Variants in CLIC5 observed in about 807,000 individuals in gnomAD.
CLIC5 encodes the protein CLIC family member 5, also known as chloride intracellular channel protein 5.
CLIC5 carries 20 observed loss-of-function variants against 24.7 expected under a neutral mutation model. The observed-to-expected ratio is 0.81, with a 90% confidence interval of 0.57 to 1.18. The LOEUF is 1.18. Among genes scored for constraint, CLIC5 ranks in the 50% most tolerant of loss-of-function variants. The pLI, the probability that CLIC5 is intolerant of heterozygous loss-of-function variation, is 0.00. For missense variants in CLIC5, 341 were observed against 326.1 expected, an observed-to-expected ratio of 1.05 and a Z score of -0.35; for synonymous variants, 159 against 135.6, an observed-to-expected ratio of 1.17 and a Z score of -1.20.
intron 1 of CLIC5, among the ~76,000 whole-genome samples, chr6:46,022,713 C>A (rs1237648839): frequency 6.6e-6 from 1 of 152,206 alleles, no homozygotes; most frequent in Non-Finnish European, 1.5e-5. Flanking sequence ...GGACTGAAGT[C>A]AAGAGTCCTT....
intron 5 of CLIC5, among the ~76,000 whole-genome samples, chr6:45,910,773 C>T (rs1050111320): frequency 6.6e-6 from 1 of 152,170 alleles, no homozygotes; most frequent in Admixed American, 6.5e-5. Flanking sequence ...CAGATCACAT[C>T]TCTTCTTTGC....
intron 6 of CLIC5, among the ~76,000 whole-genome samples, chr6:45,888,449 A>C (rs1271548554): frequency 6.6e-6 from 1 of 152,254 alleles, no homozygotes; most frequent in Non-Finnish European, 1.5e-5. Context: ...GAAAAAATTC[A>C]TGAAAATTTA....
the CLIC5 span, among the ~76,000 whole-genome samples, chr6:46,111,343 C>A: frequency 6.6e-6 from 1 of 152,170 alleles, no homozygotes; most frequent in East Asian, 1.9e-4. Flanking sequence ...TGTCAGATAG[C>A]CCCTGCCATC....
rs78960678 is a variant in CLIC5 at position 45,916,366 on chromosome 6, G to T, written c.407-1957C>A. 1.3e-5 allele frequency among the ~76,000 whole-genome samples: 2 copies of T among 152,160 alleles called. 1 individual carries two copies. The highest frequency in any genetic ancestry group is 2.9e-5 in the Non-Finnish European group (2 of 68,038). On this transcript the variant is annotated intron_variant, in intron 4 of 5. Transcript: ENST00000339561. ...GGCTATTCAAAGGCAATGGCAGAGG[G>T]TGGGTACTAAACAATGCTTATTATG...
chr6:45,984,216 A>G (rs923105253), intron 1 of CLIC5, among the ~76,000 whole-genome samples: 1 of 152,254 alleles, frequency 6.6e-6, no homozygotes, highest in East Asian at 1.9e-4. Flanking sequence ...TAGAGGAGCC[A>G]TCAGTGCATT....
intron 1 of CLIC5, among the ~76,000 whole-genome samples, chr6:45,980,552 C>T (rs891003496): frequency 6.6e-6 from 1 of 151,520 alleles, no homozygotes; most frequent in Non-Finnish European, 1.5e-5. Flanking sequence ...ACATGTACCC[C>T]CAAAACAAAA....
At chr6:46,068,721 T>C (rs925564670) in intron 1 of CLIC5, among the ~76,000 whole-genome samples, 8 of 151,974 alleles carry the variant, frequency 5.3e-5, no homozygotes, top group African/African-American at 1.9e-4. Context: ...CTGGTGTTCT[T>C]ATAAGAAGAG....
chr6:45,956,662 G>A (rs1001815285), intron 1 of CLIC5, among the ~76,000 whole-genome samples: 4 of 152,138 alleles, frequency 2.6e-5, no homozygotes, highest in African/African-American at 9.7e-5. Flanking sequence ...AGGGGCTCAG[G>A]TTTATAATGG....
intron 1 of CLIC5, among the ~76,000 whole-genome samples, chr6:46,001,593 G>A (rs996385529): frequency 6.6e-6 from 1 of 152,152 alleles, no homozygotes; most frequent in Admixed American, 6.5e-5. Context: ...GTCCCAGCTG[G>A]CTTCCCCCAC....
At chr6:46,064,911 A>G (rs9367232) in intron 1 of CLIC5, among the ~76,000 whole-genome samples, 58,942 of 152,002 alleles carry the variant, frequency 0.39, 11,633 homozygotes, top group East Asian at 0.62. Context: ...AACACAAACC[A>G]TAGCATTAAA....
chr6:45,961,902 G>A (rs955685308), intron 1 of CLIC5, among the ~76,000 whole-genome samples: 4 of 152,110 alleles, frequency 2.6e-5, no homozygotes, highest in African/African-American at 9.7e-5. Context: ...TTTATCTAAA[G>A]TTTAATGTAT....
Position 45,979,665 on chromosome 6 carries a change from AC to A in CLIC5, c.64-24422del, listed in dbSNP as rs555286563. Among the ~76,000 whole-genome samples, 29 of 105,430 alleles carry A rather than the reference AC, an allele frequency of 2.8e-4. 1 individual carries two copies. In the South Asian group the frequency reaches 9.7e-3, roughly 35 times the overall value. The allele number at this position is 105,430 out of a possible 152,430, so 69.2% of individuals were successfully genotyped here. A position where few individuals can be genotyped will look rare whatever the true frequency, so the allele number is the denominator to read the frequency against. On this transcript the variant is annotated intron_variant, in intron 1 of 5. Coordinates refer to ENST00000339561, the MANE Select transcript of CLIC5 (RefSeq NM_016929.5). ...TTTACAGTTACTAGATGAAATAATC[AC>A]CCAAAATTTCTACTGCATTTTCTAT...
the CLIC5 span, among the ~76,000 whole-genome samples, chr6:46,111,028 G>A: frequency 6.6e-6 from 1 of 152,156 alleles, no homozygotes; most frequent in Admixed American, 6.5e-5. Flanking sequence ...CTTGTTATTC[G>A]ATTGTAGCCT....
chr6:45,883,056 T>G (rs1246665580), intron 6 of CLIC5, among the ~76,000 whole-genome samples: 1 of 152,226 alleles, frequency 6.6e-6, no homozygotes, highest in African/African-American at 2.4e-5. Flanking sequence ...GATTCCGAGC[T>G]GGTGGGCAGG....
At chr6:45,976,229 C>A (rs1403208624) in intron 1 of CLIC5, among the ~76,000 whole-genome samples, 2 of 152,162 alleles carry the variant, frequency 1.3e-5, no homozygotes, top group Admixed American at 1.3e-4. Context: ...AAATAGGAGA[C>A]TCAACAATAT....
intron 1 of CLIC5, among the ~76,000 whole-genome samples, chr6:45,990,497 C>G (rs549033242): frequency 2.6e-5 from 4 of 152,194 alleles, no homozygotes; most frequent in African/African-American, 9.7e-5. Context: ...CATCTCACTC[C>G]CATCAACCAT....
chr6:45,888,256 T>A (rs139003466), intron 6 of CLIC5, among the ~76,000 whole-genome samples: 3 of 152,286 alleles, frequency 2.0e-5, no homozygotes, highest in Non-Finnish European at 4.4e-5. Flanking sequence ...GCCCAGGAAT[T>A]CTCCATAGCC....
the CLIC5 span, among the ~76,000 whole-genome samples, chr6:46,105,145 G>A: frequency 1.3e-4 from 20 of 152,096 alleles, no homozygotes; most frequent in African/African-American, 4.8e-4. Context: ...CCGGACAGAT[G>A]TGGGTTGTAA....
intron 2 of CLIC5, among the ~76,000 whole-genome samples, chr6:45,952,822 C>G (rs912750928): frequency 6.6e-6 from 1 of 152,098 alleles, no homozygotes; most frequent in African/African-American, 2.4e-5. Context: ...TACAAGTCCT[C>G]TCTCACACAT....
Sources: gnomAD v4.1 joint callset for allele counts (sites outside exome capture counted in the v4.1 genomes callset) on GRCh38, gnomAD v4.1.1 for gene constraint, MANE v1.5 for transcripts, NCBI Gene and HGNC (gene_info 2026-07-23, HGNC 2026-07-21) for gene names.